The following LEMD3 variants were observed in gnomAD, a reference collection of about 807,000 sequenced individuals.
LEMD3 encodes inner nuclear membrane protein Man1.
Under a neutral mutation model 95.2 loss-of-function variants are expected in LEMD3, and 33 were observed. The observed-to-expected ratio is 0.35, with a 90% CI of 0.26 to 0.46. The LOEUF (loss-of-function observed/expected upper bound fraction) is 0.46. Ranked by LOEUF, LEMD3 falls within the 20% of genes least tolerant of loss-of-function variation. The probability of loss-of-function intolerance (pLI) is 1.00; values close to 1 mark genes in which losing one functional copy is unlikely to be tolerated. For missense variants in LEMD3, 1,210 were observed against 1,192.8 expected (o/e 1.01, Z -0.21); for synonymous variants, 525 against 474.6 (o/e 1.11, Z -1.38).
At chr12:65,216,800 G>T (rs1358571861) in intron 3 of LEMD3, among the ~76,000 whole-genome samples, 2 of 152,034 alleles carry the variant, frequency 1.3e-5, no homozygotes, top group Non-Finnish European at 2.9e-5. Context: ...GTTGAATGGA[G>T]GTATTTAGGA....
intron 4 of LEMD3, 47 bp downstream of exon 4, chr12:65,218,666 T>C: frequency 1.9e-6 from 2 of 1,037,738 alleles, no homozygotes; most frequent in East Asian, 2.6e-5. Context: ...TAAAAAATTA[T>C]ATAAATCATT....
At chr12:65,191,703 C>T (rs534283919) in intron 1 of LEMD3, among the ~76,000 whole-genome samples, 1 of 152,148 alleles carries the variant, frequency 6.6e-6, no homozygotes, top group African/African-American at 2.4e-5. Flanking sequence ...GAGGCCAAGG[C>T]AGGCAGATGT....
rs766191006 is a variant in LEMD3 at position 65,170,827 on chromosome 12, C to T, written c.1231C>T (p.Pro411Ser). 9.9e-6 allele frequency: 16 copies of T among 1,614,126 alleles called. No individual in the cohort carries two copies. In the Admixed American group the frequency reaches 1.3e-4, roughly 13 times the overall value. ...CCCCAGGATTTATTCTAACAGTCTC[C>T]CTCCCAGTGCGGCGGTGGCCGCCTC... The part of the protein sequence containing the change: ...DSPRIYSNSL[P>S]PSAAVAASSS... Residue 411 changes from proline to serine, a missense_variant, in exon 1 of 13, where the codon CCT becomes TCT. Pro to Ser is a moderately conservative substitution (Grantham distance 74). Around this residue, in one of 2 missense-constraint regions of LEMD3, gnomAD observed 749 missense variants for 622.9 expected, o/e 1.20. Transcript: ENST00000308330.
intron 9 of LEMD3, among the ~76,000 whole-genome samples, chr12:65,242,873 A>G (rs1372664053): frequency 1.3e-5 from 2 of 152,198 alleles, no homozygotes; most frequent in Admixed American, 6.5e-5. Flanking sequence ...TACTCTTACC[A>G]TAATGCCCAA....
At chr12:65,240,844 AC>A in intron 8 of LEMD3, 64 bp from the exon 9 acceptor site, 1 of 1,384,444 alleles carries the variant, frequency 7.2e-7, no homozygotes, top group Non-Finnish European at 1.0e-6. Flanking sequence ...TACCTCAGAT[AC>A]TAATATTTCA....
At chr12:65,244,676 A>G (rs1317937301) in intron 10 of LEMD3, among the ~76,000 whole-genome samples, 1 of 152,198 alleles carries the variant, frequency 6.6e-6, no homozygotes, top group Admixed American at 6.5e-5. Context: ...GGCTGGGCAC[A>G]GTGGCTCACA....
intron 4 of LEMD3, among the ~76,000 whole-genome samples, chr12:65,232,279 A>G (rs906319295): frequency 1.3e-5 from 2 of 152,138 alleles, no homozygotes; most frequent in Non-Finnish European, 2.9e-5. Context: ...TGCTTATGAG[A>G]AAGAGATCTA....
Position 65,233,368 on chromosome 12 carries a change from T to C in LEMD3, c.1696-5134T>C, listed in dbSNP as rs371505289. Among the ~76,000 whole-genome samples, 10 of 152,298 alleles carry C rather than the reference T, an allele frequency of 6.6e-5. No individual in the cohort carries two copies. In the East Asian group the frequency reaches 1.2e-3, roughly 18 times the overall value. On this transcript the variant is annotated intron_variant, in intron 4 of 12. Transcript: ENST00000308330. ...TACATCTGGATAGGTGGCATATTTT[T>C]CACTTGTCCCATTTAAGGTTGTACA... is the stretch of plus-strand genomic sequence containing the variant.
chr12:65,186,368 A>G (rs1869063401), intron 1 of LEMD3, among the ~76,000 whole-genome samples: 1 of 152,146 alleles, frequency 6.6e-6, no homozygotes, highest in South Asian at 2.1e-4. Context: ...TTTTTAAAAA[A>G]TTGTACAAGG....
chr12:65,192,381 C>T (rs12312091), intron 1 of LEMD3, among the ~76,000 whole-genome samples: 2,595 of 152,192 alleles, frequency 0.017, 66 homozygotes, highest in African/African-American at 0.06. Flanking sequence ...CTATAGGGCA[C>T]GGGTTTTGTC....
chr12:65,239,547 CA>C (rs1870869544), intron 6 of LEMD3, among the ~76,000 whole-genome samples: 1 of 151,978 alleles, frequency 6.6e-6, no homozygotes, highest in South Asian at 2.1e-4. Context: ...GACCCTATCT[CA>C]AAAACAACAA....
chr12:65,170,148 C>A lies in LEMD3; in HGVS notation c.552C>A (p.Asn184Lys). The change falls in exon 1 of 13, where the codon AAC (asparagine) becomes AAA (lysine). Residue 184 changes from asparagine (N) to lysine (K), a missense_variant. Physicochemically the swap from Asn to Lys is moderately conservative, Grantham distance 94. This residue lies in a region of LEMD3 where 749 missense variants were observed against 622.9 expected (regional missense o/e 1.20). Transcript: ENST00000308330. ...CCCTGGCCGCCAGCGAGGTGACTAACAGCAACTCTGCAGAGCGAAGGAAGC... is the reference window on the plus strand; with the variant it reads ...CCCTGGCCGCCAGCGAGGTGACTAAAAGCAACTCTGCAGAGCGAAGGAAGC... ...PAPLAASEVT[N>K]SNSAERRKPH... 6.8e-7 allele frequency: 1 copy of A among 1,479,498 alleles called. No homozygotes were observed. The highest frequency in any genetic ancestry group is 1.4e-5 in the South Asian group (1 of 70,848). 91.6% of individuals were successfully genotyped at this position (1,479,498 alleles called of 1,614,324 possible).
Position 65,169,612 on chromosome 12 carries a change from G to A in LEMD3, c.16G>A (p.Ala6Thr), listed in dbSNP as rs1162532082. The A allele has an allele frequency of 5.7e-6, 9 of 1,587,980 alleles. No individual in the cohort carries two copies. The highest frequency in any genetic ancestry group is 7.7e-6 in the Non-Finnish European group (9 of 1,169,478). The change falls in exon 1 of 13, where the codon GCT becomes ACT. Residue 6 changes from alanine (A) to threonine (T), a missense_variant. Physicochemically the swap from Ala to Thr is moderately conservative, Grantham distance 58. Around this residue, in one of 2 missense-constraint regions of LEMD3, gnomAD observed 749 missense variants for 622.9 expected, o/e 1.20. Coordinates refer to ENST00000308330, the MANE Select transcript of LEMD3 (RefSeq NM_014319.5). ...TGGAGAGAAAATGGCGGCGGCAGCA[G>A]CTTCGGCGCCTCAGCAGCTCTCGGA... MAAAAASAPQQLSDEE... is the reference protein window; with the variant it reads MAAAATSAPQQLSDEE...
At chr12:65,178,001 C>A (rs1288296733) in intron 1 of LEMD3, among the ~76,000 whole-genome samples, 1 of 151,968 alleles carries the variant, frequency 6.6e-6, no homozygotes, top group East Asian at 1.9e-4. Context: ...TGCATCACCA[C>A]ATCTGGCAAA....
chr12:65,215,949 A>G, intron 2 of LEMD3, 28 bp from the exon 3 acceptor site: 1 of 949,570 alleles, frequency 1.1e-6, no homozygotes, highest in Non-Finnish European at 1.6e-6. Context: ...GTAATTGGGT[A>G]TTTCATAATA....
intron 2 of LEMD3, among the ~76,000 whole-genome samples, chr12:65,215,686 T>C (rs1355632300): frequency 2.0e-5 from 3 of 152,110 alleles, no homozygotes; most frequent in East Asian, 1.9e-4. Context: ...ATTGGGAACA[T>C]TGCTTTGGTG....
intron 10 of LEMD3, among the ~76,000 whole-genome samples, chr12:65,243,872 A>T (rs994372687): frequency 2.0e-5 from 3 of 152,206 alleles, no homozygotes; most frequent in Non-Finnish European, 2.9e-5. Context: ...AATTGTAAAA[A>T]GTTTCCTACA....
chr12:65,246,201 A>C lies in LEMD3; in HGVS notation c.2612A>C (p.Tyr871Ser). 1 of 1,612,476 alleles carries C rather than the reference A, an allele frequency of 6.2e-7. No individual in the cohort carries two copies. Among genetic ancestry groups the C allele is most frequent in the Non-Finnish European group, 8.5e-7 (1 of 1,178,768 alleles). ...GTAAAATATTTACGACTAGATAGAT[A>C]CCACCATCGCTTTCCCCAGGCTCTC... ...VTVKYLRLDR[Y>S]HHRFPQALTS... The change falls in exon 13 of 13, where the codon TAC becomes TCC. Residue 871 changes from tyrosine to serine, a missense_variant. Around this residue, in one of 2 missense-constraint regions of LEMD3, gnomAD observed 461 missense variants for 569.8 expected, o/e 0.81. Coordinates refer to ENST00000308330, the MANE Select transcript of LEMD3 (RefSeq NM_014319.5).
rs1198214216 is a variant in LEMD3, at chr12:65,169,890, C to G, written c.294C>G (p.Leu98=). Residue 98 remains leucine, a synonymous_variant, in exon 1 of 13, where the codon CTC becomes CTG. Transcript: ENST00000308330. ...GGGTCCGGCCGGTCTCGGGCGACCT[C>G]TCCTACTTACGGACTCCTGGGGGCC... is the stretch of plus-strand genomic sequence containing the variant. ...GMGVRPVSGD[L]SYLRTPGGLC... 2.8e-6 allele frequency: 4 copies of G among 1,452,052 alleles called. No individual in the cohort carries two copies. The highest frequency in any genetic ancestry group is 1.8e-6 in the Non-Finnish European group (2 of 1,102,378). The allele number at this position is 1,452,052 out of a possible 1,614,324, so 89.9% of individuals were successfully genotyped here.
Sources: gnomAD v4.1 joint callset for allele counts (sites outside exome capture counted in the v4.1 genomes callset) on GRCh38, gnomAD v4.1.1 for gene constraint, gnomAD v4.1.1 regional missense constraint, MANE v1.5 for transcripts, NCBI Gene and HGNC (gene_info 2026-07-23, HGNC 2026-07-21) for gene names.